The following CSRNP3 variants were observed in gnomAD, a reference collection of about 807,000 sequenced individuals.
The protein encoded by CSRNP3 is cysteine/serine-rich nuclear protein 3.
CSRNP3 carries 12 observed loss-of-function variants against 48.0 expected under a neutral mutation model. The ratio of observed to expected loss-of-function variants is 0.25; its 90% confidence interval spans 0.16 to 0.41. The LOEUF is 0.41. Among genes scored for constraint, CSRNP3 ranks in the 10% least tolerant of loss-of-function variants. The pLI is 1.00. For missense variants in CSRNP3, 580 were observed against 724.4 expected, an observed-to-expected ratio of 0.80 and a Z score of 2.29; for synonymous variants, 263 against 269.7, an observed-to-expected ratio of 0.98 and a Z score of 0.24.
intron 5 of CSRNP3, among the ~76,000 whole-genome samples, chr2:165,662,660 T>G (rs2105350150): frequency 6.6e-6 from 1 of 152,324 alleles, no homozygotes. Context: ...CATTTGTATG[T>G]TTTAAAGAAC....
chr2:165,477,129 A>C (rs554949727), intron 1 of CSRNP3, among the ~76,000 whole-genome samples: 2 of 152,258 alleles, frequency 1.3e-5, no homozygotes, highest in East Asian at 3.9e-4. Context: ...CAAAGATAGG[A>C]CCTTCAAAAT....
chr2:165,590,950 C>T (rs1422005242), intron 3 of CSRNP3, among the ~76,000 whole-genome samples: 1 of 150,312 alleles, frequency 6.7e-6, no homozygotes, highest in Non-Finnish European at 1.5e-5. Flanking sequence ...GTGGAAGTGA[C>T]TTTGGGGCTG....
intron 5 of CSRNP3, among the ~76,000 whole-genome samples, chr2:165,661,732 G>A (rs1687100419): frequency 6.6e-6 from 1 of 152,150 alleles, no homozygotes; most frequent in Non-Finnish European, 1.5e-5. Flanking sequence ...GACAAACTTT[G>A]CTCACTGTGA....
intron 3 of CSRNP3, among the ~76,000 whole-genome samples, chr2:165,532,919 GACAA>G (rs1215162133): frequency 2.6e-5 from 4 of 152,118 alleles, no homozygotes; most frequent in East Asian, 1.9e-4. Context: ...ACCAATAACA[GACAA>G]ACAGAGAGCC....
chr2:165,515,264 C>T (rs1262090523), intron 2 of CSRNP3, among the ~76,000 whole-genome samples: 1 of 149,862 alleles, frequency 6.7e-6, no homozygotes, highest in African/African-American at 2.5e-5. Context: ...GTGGAGGTTG[C>T]AGTGAGCCAG....
At chr2:165,492,148 C>T (rs982061573) in intron 1 of CSRNP3, among the ~76,000 whole-genome samples, 3 of 152,106 alleles carry the variant, frequency 2.0e-5, no homozygotes, top group Admixed American at 1.3e-4. Flanking sequence ...TGTAACTGCT[C>T]ATCGGAGCCA....
At chr2:165,546,211 A>G (rs1685022533) in intron 3 of CSRNP3, among the ~76,000 whole-genome samples, 1 of 151,986 alleles carries the variant, frequency 6.6e-6, no homozygotes. Context: ...ATTTTGTTTG[A>G]GACAGAGTCT....
intron 4 of CSRNP3, among the ~76,000 whole-genome samples, chr2:165,619,540 TAG>T (rs1340152973): frequency 6.6e-6 from 1 of 152,056 alleles, no homozygotes; most frequent in Non-Finnish European, 1.5e-5. Flanking sequence ...CAGAAATCTC[TAG>T]AGAGAATATG....
At chr2:165,621,572 T>C (rs1686340811) in intron 4 of CSRNP3, among the ~76,000 whole-genome samples, 1 of 151,894 alleles carries the variant, frequency 6.6e-6, no homozygotes, top group Non-Finnish European at 1.5e-5. Context: ...TTAAAAGGAG[T>C]GTGGACCAGG....
At chr2:165,605,232 G>T (rs539393207) in intron 4 of CSRNP3, among the ~76,000 whole-genome samples, 449 of 152,028 alleles carry the variant, frequency 3.0e-3, no homozygotes, top group Non-Finnish European at 5.0e-3. Context: ...TCACTCTCCT[G>T]CCTTCTCTCC....
At chr2:165,563,397 C>T (rs34391498) in intron 3 of CSRNP3, among the ~76,000 whole-genome samples, 7,727 of 152,166 alleles carry the variant, frequency 0.051, 236 homozygotes, top group Middle Eastern at 0.082. Context: ...AAACGCCAAC[C>T]TGTAACCAAC....
intron 4 of CSRNP3, among the ~76,000 whole-genome samples, chr2:165,656,038 GA>G (rs1396241829): frequency 6.6e-5 from 10 of 152,082 alleles, no homozygotes; most frequent in Non-Finnish European, 7.4e-5. Context: ...AAGCAGATAG[GA>G]AAAAAATAAT....
intron 1 of CSRNP3, among the ~76,000 whole-genome samples, chr2:165,484,091 C>G (rs1207932554): frequency 6.6e-6 from 1 of 151,756 alleles, no homozygotes; most frequent in Non-Finnish European, 1.5e-5. Context: ...GCAACAATTC[C>G]CATTAGAGCT....
intron 3 of CSRNP3, among the ~76,000 whole-genome samples, chr2:165,526,750 A>G (rs1684736740): frequency 6.6e-6 from 1 of 152,196 alleles, no homozygotes; most frequent in Admixed American, 6.5e-5. Context: ...TAAACACTCA[A>G]TGTAGGCTAT....
intron 4 of CSRNP3, among the ~76,000 whole-genome samples, chr2:165,599,338 A>AGAAAGAAAGAAAGGAAAAG: frequency 6.7e-6 from 1 of 150,058 alleles, no homozygotes; most frequent in African/African-American, 2.5e-5. Flanking sequence ...AGGAAAAGAA[A>AGAAAGAAAGAAAGGAAAAG]AAAAGAAAGA....
At chr2:165,550,127 T>A (rs1485038432) in intron 3 of CSRNP3, among the ~76,000 whole-genome samples, 2 of 152,160 alleles carry the variant, frequency 1.3e-5, no homozygotes, top group East Asian at 3.9e-4. Flanking sequence ...ATGCTGATCA[T>A]TGTTAATGAT....
Position 165,543,925 on chromosome 2 carries a change from C to T in CSRNP3, c.-24+25964C>T, listed in dbSNP as rs776306939. ...AAAAAAAGAGATCAAGACACTTGCC[C>T]TCCAGTATCTTAACTTTCTAGTGAC... On this transcript the variant is annotated intron_variant, in intron 3 of 6. Transcript: ENST00000651982. Among the ~76,000 whole-genome samples the T allele has an allele frequency of 9.9e-5, 15 of 152,020 alleles. No individual in the cohort carries two copies. In the Middle Eastern group the frequency reaches 0.01, roughly 104 times the overall value.
chr2:165,538,721 C>A (rs1684914623), intron 3 of CSRNP3, among the ~76,000 whole-genome samples: 1 of 151,656 alleles, frequency 6.6e-6, no homozygotes, highest in Non-Finnish European at 1.5e-5. Context: ...TGTTGAAGTG[C>A]CTCCTCCCCC....
chr2:165,605,509 C>G (rs899346913), intron 4 of CSRNP3, among the ~76,000 whole-genome samples: 1 of 151,812 alleles, frequency 6.6e-6, no homozygotes, highest in Admixed American at 6.6e-5. Flanking sequence ...TCAAATAACC[C>G]AGAAAAATAG....
Sources: gnomAD v4.1 joint callset for allele counts (sites outside exome capture counted in the v4.1 genomes callset) on GRCh38, gnomAD v4.1.1 for gene constraint, MANE v1.5 for transcripts, NCBI Gene and HGNC (gene_info 2026-07-23, HGNC 2026-07-21) for gene names.